The following PRAMEF20 variants were observed in gnomAD, a reference collection of about 807,000 sequenced individuals.
PRAMEF20 encodes PRAME family member 20/21.
PRAMEF20 carries 27 observed loss-of-function variants against 32.4 expected under a neutral mutation model. The ratio of observed to expected loss-of-function variants is 0.83; its 90% confidence interval spans 0.61 to 1.15. The LOEUF (loss-of-function observed/expected upper bound fraction) is 1.15, where lower values mean the gene tolerates loss of function less well. Ranked by LOEUF, PRAMEF20 falls within the 50% of genes most tolerant of loss-of-function variation. PRAMEF20 has a pLI of 0.00. For synonymous variants in PRAMEF20, 256 were observed against 235.4 expected, an observed-to-expected ratio of 1.09 and a Z score of -0.80; for missense variants, 604 against 584.5, an observed-to-expected ratio of 1.03 and a Z score of -0.34.
At chr1:13,416,051 G>A (rs1641165880), upstream of PRAMEF20, among the ~76,000 whole-genome samples, 1 of 152,212 alleles carries the variant, frequency 6.6e-6, no homozygotes. Flanking sequence ...AAAGGTGGGA[G>A]GGATTAGCTT....
At chr1:13,418,526 TGAG>T in exon 2 of PRAMEF20, 1 of 1,614,000 alleles carries the variant, frequency 6.2e-7, no homozygotes, top group Non-Finnish European at 8.5e-7. Context: ...CTCGGCCAGA[TGAG>T]GAATCTTCGG....
intron 1 of PRAMEF20, among the ~76,000 whole-genome samples, chr1:13,417,910 T>TGTGTGTGTGTGTGAGTGTGTG (rs1369049111): frequency 8.1e-6 from 1 of 124,218 alleles, no homozygotes; most frequent in Admixed American, 8.6e-5. Flanking sequence ...CCCGGCTAAT[T>TGTGTGTGTGTGTGAGTGTGTG]TGTGTGTGTG....
intron 1 of PRAMEF20, among the ~76,000 whole-genome samples, chr1:13,417,321 G>C (rs980281375): frequency 6.6e-6 from 1 of 152,044 alleles, no homozygotes; most frequent in Non-Finnish European, 1.5e-5. Flanking sequence ...GCATTTTATA[G>C]AGCGTTGATT....
chr1:13,413,243 C>G (rs1054907393), upstream of PRAMEF20, among the ~76,000 whole-genome samples: 4 of 152,188 alleles, frequency 2.6e-5, no homozygotes, highest in South Asian at 2.1e-4. Context: ...ATACCTAAAT[C>G]TTTCACTTTC....
rs1641211585 is a variant in PRAMEF20 at position 13,418,719 on chromosome 1, C to G, written c.866+19C>G. 3.7e-6 allele frequency: 6 copies of G among 1,612,618 alleles called. No homozygotes were observed. Among genetic ancestry groups the G allele is most frequent in the Non-Finnish European group, 5.1e-6 (6 of 1,179,870 alleles). On this transcript the variant is annotated intron_variant, in intron 2 of 2. Coordinates refer to ENST00000602960, the Ensembl canonical transcript of PRAMEF20. ...TGCTCAGGTGAGGAAGGGTAGTGAG[C>G]TTTCTCTGCAGACCACAGCAGAGCC...
exon 3 of PRAMEF20, chr1:13,421,305 C>G: frequency 1.2e-6 from 2 of 1,612,852 alleles, no homozygotes; most frequent in Non-Finnish European, 1.7e-6. Context: ...TTTCTGAACA[C>G]TTGAAAACTA....
At chr1:13,416,124 T>G (rs1355944521), upstream of PRAMEF20, among the ~76,000 whole-genome samples, 1 of 152,222 alleles carries the variant, frequency 6.6e-6, no homozygotes. Flanking sequence ...GGGCTAGTGG[T>G]GGCCCTGCCT....
upstream of PRAMEF20, among the ~76,000 whole-genome samples, chr1:13,414,166 C>G (rs954004587): frequency 1.3e-4 from 20 of 151,424 alleles, 1 homozygote; most frequent in Admixed American, 1.2e-3. Context: ...CTCAGCCTCT[C>G]AAGTAGCTGG....
At chr1:13,413,094 T>C (rs1177285241), upstream of PRAMEF20, among the ~76,000 whole-genome samples, 2 of 152,246 alleles carry the variant, frequency 1.3e-5, no homozygotes, top group African/African-American at 2.4e-5. Context: ...AAAGATACTT[T>C]CAAGTTTTTT....
chr1:13,413,351 C>T (rs2100428753), upstream of PRAMEF20, among the ~76,000 whole-genome samples: 1 of 151,778 alleles, frequency 6.6e-6, no homozygotes, highest in South Asian at 2.1e-4. Context: ...ATGTAGTTTT[C>T]TTTTTTGTTG....
intron 2 of PRAMEF20, among the ~76,000 whole-genome samples, 159 bp from the exon 4 acceptor site, chr1:13,420,538 T>A (rs1379655428): frequency 1.3e-5 from 2 of 152,048 alleles, no homozygotes; most frequent in Admixed American, 1.3e-4. Flanking sequence ...GTGGCAAAGC[T>A]CTTCATCACG....
chr1:13,416,688 A>G, intron 1 of PRAMEF20, 47 bp downstream of exon 2: 3 of 1,613,440 alleles, frequency 1.9e-6, no homozygotes, highest in South Asian at 1.1e-5. Context: ...GGTGTCCAAC[A>G]GAAGGAACAG....
chr1:13,412,498 A>G (rs1641123573), upstream of PRAMEF20, among the ~76,000 whole-genome samples: 1 of 152,090 alleles, frequency 6.6e-6, no homozygotes, highest in East Asian at 1.9e-4. Context: ...TTTAACCTCA[A>G]TCTAGACACC....
chr1:13,418,624 C>T (rs2100436867), exon 2 of PRAMEF20: 1 of 1,613,972 alleles, frequency 6.2e-7, no homozygotes, highest in South Asian at 1.1e-5. Flanking sequence ...CACTCAGTTC[C>T]TCAAGCTGCG....
chr1:13,414,135 T>C (rs1641138745), upstream of PRAMEF20, among the ~76,000 whole-genome samples: 1 of 151,294 alleles, frequency 6.6e-6, no homozygotes, highest in Non-Finnish European at 1.5e-5. Flanking sequence ...TCCGACTCTC[T>C]GGTTCAGGCG....
At chr1:13,417,197 T>C (rs1038972811) in intron 1 of PRAMEF20, among the ~76,000 whole-genome samples, 23 of 152,192 alleles carry the variant, frequency 1.5e-4, no homozygotes, top group South Asian at 6.2e-4. Flanking sequence ...CTGACTGGGG[T>C]GGCCAGCTTT....
At chr1:13,417,491 T>C (rs1052235977) in intron 1 of PRAMEF20, among the ~76,000 whole-genome samples, 1 of 151,104 alleles carries the variant, frequency 6.6e-6, no homozygotes, top group South Asian at 2.1e-4. Flanking sequence ...TAATCCCAGC[T>C]ACTTGGGAGG....
chr1:13,417,908 ATTTGTGTGTGTGTGTGTGTGTGTG>A (rs1482871319), intron 1 of PRAMEF20, among the ~76,000 whole-genome samples, 190 bp from the exon 3 acceptor site: 1 of 42,510 alleles, frequency 2.4e-5, no homozygotes, highest in Non-Finnish European at 6.3e-5. Flanking sequence ...CGCCCGGCTA[ATTTGTGTGTGTGTGTGTGTGTGTG>A]TGTGTGTGTG....
chr1:13,421,110 G>A (rs1234445065), exon 3 of PRAMEF20: 35 of 1,613,766 alleles, frequency 2.2e-5, no homozygotes, highest in African/African-American at 8.0e-5. Flanking sequence ...ATCGTCTGCC[G>A]GAGCAGATTT....
Sources: allele counts gnomAD v4.1 joint callset (sites outside exome capture counted in the v4.1 genomes callset), GRCh38; gene constraint gnomAD v4.1.1; transcripts MANE v1.5; gene names NCBI Gene and HGNC (gene_info 2026-07-23, HGNC 2026-07-21).